The following FAM171B variants were observed in gnomAD, a reference collection of about 807,000 sequenced individuals.
FAM171B encodes the protein protein FAM171B.
FAM171B carries 19 observed loss-of-function variants against 75.6 expected under a neutral mutation model. The ratio of observed to expected loss-of-function variants is 0.25; its 90% CI spans 0.18 to 0.37. FAM171B has a LOEUF of 0.37. Among genes scored for constraint, FAM171B ranks in the 10% least tolerant of loss-of-function variants. The pLI, the probability that FAM171B is intolerant of heterozygous loss-of-function variation, is 1.00. For synonymous variants in FAM171B, 367 were observed against 361.7 expected, an observed-to-expected ratio of 1.01 and a Z score of -0.17; for missense variants, 848 against 982.4, an observed-to-expected ratio of 0.86 and a Z score of 1.83.
chr2:186,737,419 TGATCATG>T (rs1469840829), intron 1 of FAM171B, among the ~76,000 whole-genome samples: 2 of 152,206 alleles, frequency 1.3e-5, no homozygotes, highest in Non-Finnish European at 2.9e-5. Context: ...TGCAGTGGTG[TGATCATG>T]GCTCACTGCA....
rs1465762658 is a variant in FAM171B at position 186,762,341 on chromosome 2, T to C, written c.1999T>C (p.Ser667Pro). Residue 667 changes from serine (S) to proline (P), a missense_variant, in exon 8 of 8, where the codon TCC becomes CCC. Around this residue, in one of 3 missense-constraint regions of FAM171B, gnomAD observed 47 missense variants for 94.0 expected, o/e 0.50. Coordinates refer to ENST00000304698, the MANE Select transcript of FAM171B (RefSeq NM_177454.4). The surrounding 1 kb of genome is among the most constrained non-coding windows in gnomAD (Gnocchi z 4.0). ...CCTGGAGCTGTCCAAAGGAAAGCCCTCCCCGCATCCCAGAGCCTGGTTTGT... is the reference window on the plus strand; with the variant it reads ...CCTGGAGCTGTCCAAAGGAAAGCCCCCCCCGCATCCCAGAGCCTGGTTTGT... ...TLLELSKGKP[S>P]PHPRAWFVSL... 2 of 1,613,412 alleles carry C rather than the reference T, an allele frequency of 1.2e-6. No homozygotes were observed. Among genetic ancestry groups the C allele is most frequent in the Non-Finnish European group, 1.7e-6 (2 of 1,179,760 alleles).
intron 1 of FAM171B, among the ~76,000 whole-genome samples, chr2:186,736,229 C>T (rs1354422249): frequency 6.6e-6 from 1 of 152,074 alleles, no homozygotes; most frequent in African/African-American, 2.4e-5. Context: ...AAGAGAGTAA[C>T]CAGGCAGATG....
At position 186,762,604 on chromosome 2, in the gene FAM171B, C is replaced by A; in HGVS notation, c.2262C>A (p.Ser754=). The A allele has an allele frequency of 6.2e-7, 1 of 1,613,266 alleles. No individual in the cohort carries two copies. The highest frequency in any genetic ancestry group is 8.5e-7 in the Non-Finnish European group (1 of 1,179,594). Residue 754 remains serine, a synonymous_variant, in exon 8 of 8, where the codon TCC becomes TCA. Coordinates refer to ENST00000304698, the MANE Select transcript of FAM171B (RefSeq NM_177454.4). The surrounding 1 kb of genome is among the most constrained non-coding windows in gnomAD (Gnocchi z 4.0). The part of the protein sequence containing the change: ...SSSESGTTVC[S]PEDPALRHIL... ...GTGAGAGTGGAACCACCGTCTGTTC[C>A]CCTGAGGACCCAGCTTTAAGGCACA...
At chr2:186,756,106 T>G (rs1690527833) in intron 6 of FAM171B, among the ~76,000 whole-genome samples, 1 of 152,238 alleles carries the variant, frequency 6.6e-6, no homozygotes, top group Admixed American at 6.5e-5. Flanking sequence ...TTATATAAGA[T>G]AGCTTTATGA....
At chr2:186,698,514 T>G (rs926193772) in intron 1 of FAM171B, among the ~76,000 whole-genome samples, 4 of 152,204 alleles carry the variant, frequency 2.6e-5, no homozygotes, top group Non-Finnish European at 4.4e-5. Context: ...TTGTTTTTAA[T>G]TTTTAATTTT....
At chr2:186,748,221 C>A (rs865883418) in intron 4 of FAM171B, among the ~76,000 whole-genome samples, 2 of 152,260 alleles carry the variant, frequency 1.3e-5, no homozygotes, top group South Asian at 2.1e-4. Context: ...CCTCGCCAGG[C>A]CTGTTCTACC....
chr2:186,747,128 C>G lies in FAM171B; in HGVS notation c.602C>G (p.Ala201Gly), dbSNP rs745994103. The G allele has an allele frequency of 6.2e-7, 1 of 1,603,062 alleles. No individual in the cohort carries two copies. Among genetic ancestry groups the G allele is most frequent in the Non-Finnish European group, 8.5e-7 (1 of 1,175,632 alleles). The change falls in exon 4 of 8, where the codon GCC becomes GGC. Residue 201 changes from alanine (A) to glycine (G), a missense_variant. Ala to Gly is a moderately conservative substitution (Grantham distance 60). Around this residue, in one of 3 missense-constraint regions of FAM171B, gnomAD observed 665 missense variants for 729.0 expected, o/e 0.91. Coordinates refer to ENST00000304698, the MANE Select transcript of FAM171B (RefSeq NM_177454.4). ...CAACCAAGTGTTCAGTTTTCAAAAGCCTTAATTAAACTTCCTGACAACCAT... is the reference window on the plus strand; with the variant it reads ...CAACCAAGTGTTCAGTTTTCAAAAGGCTTAATTAAACTTCCTGACAACCAT... The part of the protein sequence containing the change: ...KSQPSVQFSK[A>G]LIKLPDNHHI...
chr2:186,706,152 C>A (rs1015639006), intron 1 of FAM171B, among the ~76,000 whole-genome samples: 1 of 152,144 alleles, frequency 6.6e-6, no homozygotes, highest in Admixed American at 6.5e-5. Context: ...TGAGGGCTTA[C>A]TCTGGTTGTT....
chr2:186,741,861 G>A (rs1052580902), intron 2 of FAM171B, among the ~76,000 whole-genome samples: 9 of 151,422 alleles, frequency 5.9e-5, no homozygotes, highest in African/African-American at 9.7e-5. Context: ...GTGGACAGGC[G>A]TTCATGCACC....
chr2:186,762,679 G>A lies in FAM171B; in HGVS notation c.2337G>A (p.Ser779=), dbSNP rs773774867. ...GVIMEHPGEE[S]PGRKSTVEDF... Reference sequence around the variant, plus strand: ...TCATGGAGCACCCTGGAGAAGAGTCGCCAGGAAGGAAAAGCACTGTTGAAG... The same window carrying A: ...TCATGGAGCACCCTGGAGAAGAGTCACCAGGAAGGAAAAGCACTGTTGAAG... Residue 779 remains serine, a synonymous_variant, in exon 8 of 8, where the codon TCG becomes TCA. Transcript: ENST00000304698. The surrounding 1 kb of genome is among the most constrained non-coding windows in gnomAD (Gnocchi z 4.0). 19 of 1,612,754 alleles carry A rather than the reference G, an allele frequency of 1.2e-5. No individual in the cohort carries two copies. The highest frequency in any genetic ancestry group is 4.5e-5 in the East Asian group (2 of 44,828).
In FAM171B at chr2:186,750,352, G is replaced by A. The variant is rs543216867; in HGVS notation, c.725-782G>A. On this transcript the variant is annotated intron_variant, in intron 4 of 7. Transcript: ENST00000304698. ...GATAGTTCCTGATATTTAAGAAAGC[G>A]TACTGTAAATTGTATTAGTAAATCT... Among the ~76,000 whole-genome samples, 9 of 152,222 alleles carry A rather than the reference G, an allele frequency of 5.9e-5. No individual in the cohort carries two copies. In the South Asian group the frequency reaches 1.7e-3, roughly 28 times the overall value.
intron 2 of FAM171B, among the ~76,000 whole-genome samples, chr2:186,742,551 C>G (rs1443605891): frequency 6.6e-6 from 1 of 152,002 alleles, no homozygotes; most frequent in Non-Finnish European, 1.5e-5. Context: ...TCCATATTTT[C>G]TTTAAATTCT....
intron 1 of FAM171B, among the ~76,000 whole-genome samples, chr2:186,715,814 G>A (rs190938966): frequency 4.6e-4 from 70 of 152,266 alleles, no homozygotes; most frequent in African/African-American, 1.6e-3. Context: ...TAGGAACTAA[G>A]ATTGGGTTTG....
intron 1 of FAM171B, among the ~76,000 whole-genome samples, chr2:186,729,770 T>G (rs1285589090): frequency 6.6e-6 from 1 of 152,140 alleles, no homozygotes; most frequent in Non-Finnish European, 1.5e-5. Flanking sequence ...AGAGAGTCAG[T>G]GAATGAGAAT....
chr2:186,755,195 G>T (rs777005456), intron 6 of FAM171B, among the ~76,000 whole-genome samples: 1 of 152,062 alleles, frequency 6.6e-6, no homozygotes, highest in African/African-American at 2.4e-5. Flanking sequence ...AGTCTAGACC[G>T]GTTGCACTGT....
intron 4 of FAM171B, among the ~76,000 whole-genome samples, 185 bp from the exon 5 acceptor site, chr2:186,750,949 G>A (rs1200108276): frequency 6.6e-6 from 1 of 152,038 alleles, no homozygotes; most frequent in East Asian, 1.9e-4. Flanking sequence ...ACATTGCATA[G>A]CCTATATTTA....
intron 6 of FAM171B, among the ~76,000 whole-genome samples, chr2:186,758,106 A>G (rs1473169897): frequency 2.0e-5 from 3 of 149,628 alleles, no homozygotes; most frequent in African/African-American, 7.4e-5. Flanking sequence ...TCATTCAACA[A>G]TAGTGTGGTA....
intron 5 of FAM171B, among the ~76,000 whole-genome samples, chr2:186,751,902 C>T (rs1690460878): frequency 6.6e-6 from 1 of 152,038 alleles, no homozygotes; most frequent in Admixed American, 6.6e-5. Flanking sequence ...ATGATCAGCC[C>T]ACAACTGAAA....
At chr2:186,739,431 G>A (rs944527386) in intron 1 of FAM171B, among the ~76,000 whole-genome samples, 4 of 152,006 alleles carry the variant, frequency 2.6e-5, no homozygotes, top group African/African-American at 9.7e-5. Flanking sequence ...TTGTACAACT[G>A]TACAAATTTT....
Sources: gnomAD v4.1 joint callset for allele counts (sites outside exome capture counted in the v4.1 genomes callset) on GRCh38, gnomAD v4.1.1 for gene constraint, gnomAD v4.1.1 regional missense constraint, Gnocchi (gnomAD v3.1) non-coding constraint, MANE v1.5 for transcripts, NCBI Gene and HGNC (gene_info 2026-07-23, HGNC 2026-07-21) for gene names.